The following CLCC1 variants were observed in gnomAD, a reference collection of about 807,000 sequenced individuals.
The protein encoded by CLCC1 is chloride channel CLIC-like protein 1.
In CLCC1, 39 loss-of-function variants were observed where a neutral mutation model predicts 63.3. The ratio of observed to expected loss-of-function variants is 0.62; its 90% CI spans 0.48 to 0.81. The LOEUF is 0.81. CLCC1 is among the 30% of genes least tolerant of loss of function. CLCC1 has a pLI of 0.00. For missense variants in CLCC1, 549 were observed against 669.4 expected, an observed-to-expected ratio of 0.82 and a Z score of 1.98; for synonymous variants, 217 against 239.8, an observed-to-expected ratio of 0.90 and a Z score of 0.88.
chr1:108,937,580 TTTAGA>T (rs1195448604), intron 10 of CLCC1, among the ~76,000 whole-genome samples, 162 bp from the exon 11 acceptor site: 1 of 152,254 alleles, frequency 6.6e-6, no homozygotes, highest in African/African-American at 2.4e-5. Flanking sequence ...TAGAGACCTC[TTTAGA>T]TTAATACAAG....
chr1:108,934,722 C>T lies in CLCC1; in HGVS notation c.1604G>A (p.Arg535Lys), dbSNP rs756107143. Residue 535 changes from arginine (R) to lysine (K), a missense_variant, in exon 12 of 13, where the codon AGA (arginine) becomes AAA (lysine). Coordinates refer to ENST00000369969, the MANE Select transcript of CLCC1 (RefSeq NM_001377458.1). The stretch of plus-strand genomic sequence containing the variant: ...CTGTCCACGTGGTCCAGCCACACCT[C>T]TTGCGGGGCTGTATGTGCTGCCTTG... Reference protein sequence around the residue: ...PDQGSTYSPARGVAGPRGQDP... With the variant: ...PDQGSTYSPAKGVAGPRGQDP... 2.3e-5 allele frequency: 37 copies of T among 1,614,012 alleles called. No homozygotes were observed. The South Asian group carries it at 4.0e-4, about 17-fold the overall frequency.
chr1:108,941,984 GC>G (rs1351240280), intron 7 of CLCC1, among the ~76,000 whole-genome samples: 2 of 152,212 alleles, frequency 1.3e-5, no homozygotes, highest in Non-Finnish European at 2.9e-5. Context: ...GAAAAGTACA[GC>G]CTTAATGCAA....
intron 11 of CLCC1, among the ~76,000 whole-genome samples, chr1:108,936,646 A>G (rs1653054693): frequency 6.6e-6 from 1 of 152,210 alleles, no homozygotes; most frequent in Non-Finnish European, 1.5e-5. Flanking sequence ...AGCCAATGAC[A>G]CTGAAGATTT....
At chr1:108,953,876 G>A (rs1451624067) in intron 2 of CLCC1, among the ~76,000 whole-genome samples, 1 of 151,316 alleles carries the variant, frequency 6.6e-6, no homozygotes. Flanking sequence ...TGGGTATGGT[G>A]GTGCATGCCT....
chr1:108,936,142 G>A (rs1652946951), intron 11 of CLCC1, among the ~76,000 whole-genome samples: 3 of 144,806 alleles, frequency 2.1e-5, no homozygotes, highest in Admixed American at 7.1e-5. Context: ...ACCCAGGCTG[G>A]AGTGCAATGG....
chr1:108,960,811 A>C (rs536689), intron 2 of CLCC1, among the ~76,000 whole-genome samples: 20,533 of 152,124 alleles, frequency 0.13, 2,039 homozygotes, highest in African/African-American at 0.28. Context: ...AGGAGGCATT[A>C]TACAAAGGGA....
In CLCC1 at chr1:108,943,996, A is replaced by G; in HGVS notation, c.401T>C (p.Leu134Ser). Residue 134 changes from leucine to serine, a missense_variant, in exon 6 of 13, where the codon TTG becomes TCG. Coordinates refer to ENST00000369969, the MANE Select transcript of CLCC1 (RefSeq NM_001377458.1). ...DAEIILKRET[L>S]LEIQKFLNGE... Reference sequence around the variant, plus strand: ...ATTGAGAAACTTCTGTATTTCTAACAAAGTTTCTCTTTTAAGGATAATCTC... The same window carrying G: ...ATTGAGAAACTTCTGTATTTCTAACGAAGTTTCTCTTTTAAGGATAATCTC... The G allele has an allele frequency of 6.2e-7, 1 of 1,613,570 alleles. No homozygotes were observed.
intron 4 of CLCC1, among the ~76,000 whole-genome samples, chr1:108,949,151 G>T (rs1654888574): frequency 1.3e-5 from 2 of 152,070 alleles, no homozygotes; most frequent in Admixed American, 6.6e-5. Flanking sequence ...CCTCATTTCA[G>T]ACCTTCAGCA....
rs770066092 is a variant in CLCC1, at chr1:108,937,420, T to C, written c.1042-2A>G. ...TTTTCCAGCACCATAGCAGAAACTCTGTAAGGAAAAGAAATACATTTTCCT... is the reference window on the plus strand; with the variant it reads ...TTTTCCAGCACCATAGCAGAAACTCCGTAAGGAAAAGAAATACATTTTCCT... On this transcript the variant is annotated splice_acceptor_variant, in intron 10 of 12. Coordinates refer to ENST00000369969, the MANE Select transcript of CLCC1 (RefSeq NM_001377458.1). LOFTEE classifies it high-confidence loss of function. The C allele has an allele frequency of 2.5e-6, 4 of 1,569,464 alleles. No homozygotes were observed. Among genetic ancestry groups the C allele is most frequent in the Admixed American group, 3.8e-5 (2 of 52,396 alleles).
intron 2 of CLCC1, among the ~76,000 whole-genome samples, chr1:108,954,268 A>C (rs1169144481): frequency 1.3e-5 from 2 of 151,038 alleles, no homozygotes; most frequent in African/African-American, 5.0e-5. Flanking sequence ...CAGGCAGATA[A>C]TGAGGTCAGG....
chr1:108,932,494 A>G lies in CLCC1; in HGVS notation c.*53T>C, dbSNP rs1026501921. The G allele has an allele frequency of 3.9e-5, 6 of 152,208 alleles. No homozygotes were observed. The highest frequency in any genetic ancestry group is 5.9e-5 in the Non-Finnish European group (4 of 68,030). The allele number at this position is 152,208 out of a possible 1,614,324, so 9.4% of individuals were successfully genotyped here. Reference sequence around the variant, plus strand: ...CTGTCAAAGTAGACTTCATCCCCAAATGGATATCTGTAATGAAAGAATACA... The same window carrying G: ...CTGTCAAAGTAGACTTCATCCCCAAGTGGATATCTGTAATGAAAGAATACA... On this transcript the variant is annotated 3_prime_UTR_variant, in exon 13 of 13. Transcript: ENST00000369969.
rs1171994046 is a variant in CLCC1 at position 108,929,621 on chromosome 1, T to A, written c.*2926A>T. 8 of 1,333,680 alleles carry A rather than the reference T, an allele frequency of 6.0e-6. No homozygotes were observed. In the African/African-American group the frequency reaches 1.2e-4, roughly 19 times the overall value. 82.6% of individuals were successfully genotyped at this position (1,333,680 alleles called of 1,614,324 possible). A position where few individuals can be genotyped will look rare whatever the true frequency, so the allele number is the denominator to read the frequency against. On this transcript the variant is annotated 3_prime_UTR_variant, in exon 13 of 13. Transcript: ENST00000369969. ...ATAAAAGTTTACAACTGCGTTTTCT[T>A]GTTGTGACTGAGAGATTTAACATAG...
Position 108,943,546 on chromosome 1 carries a change from T to C in CLCC1, c.631A>G (p.Thr211Ala), listed in dbSNP as rs942667094. ...TELWTYVRWY[T>A]QLRRVLIISF... ...ATGATTAAAACACGTCTCAACTGAG[T>C]GTACCAACGTACATATGTCCACAGC... The change falls in exon 7 of 13, where the codon ACT (threonine) becomes GCT (alanine). Residue 211 changes from threonine (T) to alanine (A), a missense_variant. Physicochemically the swap from Thr to Ala is moderately conservative, Grantham distance 58 (BLOSUM62 0). Transcript: ENST00000369969. 2 of 1,614,016 alleles carry C rather than the reference T, an allele frequency of 1.2e-6. No individual in the cohort carries two copies. Among genetic ancestry groups the C allele is most frequent in the East Asian group, 4.5e-5 (2 of 44,880 alleles).
Position 108,937,071 on chromosome 1 carries a change from A to G in CLCC1, c.1383+6T>C. The stretch of plus-strand genomic sequence containing the variant: ...GGACAGCAGAATAAAAGAGTTGCTG[A>G]CTTACACTGGGTACCACCGTGGGAT... On this transcript the variant is annotated splice_donor_region_variant and intron_variant, in intron 11 of 12. Coordinates refer to ENST00000369969, the MANE Select transcript of CLCC1 (RefSeq NM_001377458.1). 1 of 1,484,928 alleles carries G rather than the reference A, an allele frequency of 6.7e-7. No homozygotes were observed. Among genetic ancestry groups the G allele is most frequent in the Non-Finnish European group, 9.0e-7 (1 of 1,117,124 alleles). The allele number at this position is 1,484,928 out of a possible 1,614,324, so 92.0% of individuals were successfully genotyped here. A position where few individuals can be genotyped will look rare whatever the true frequency, so the allele number is the denominator to read the frequency against.
intron 12 of CLCC1, chr1:108,933,612 A>G (rs1055671394): frequency 2.0e-5 from 3 of 152,250 alleles, no homozygotes; most frequent in African/African-American, 4.8e-5. Flanking sequence ...GTTGAACATA[A>G]CTTGTAGTGT....
intron 2 of CLCC1, among the ~76,000 whole-genome samples, chr1:108,961,401 G>A (rs565873685): frequency 1.3e-5 from 2 of 151,808 alleles, no homozygotes; most frequent in East Asian, 1.9e-4. Flanking sequence ...AGTGTTAATC[G>A]AAAGTAACCA....
intron 2 of CLCC1, among the ~76,000 whole-genome samples, chr1:108,955,501 C>T (rs1655771567): frequency 6.6e-6 from 1 of 151,444 alleles, no homozygotes; most frequent in African/African-American, 2.5e-5. Flanking sequence ...CTAGGCCTAG[C>T]CTTCAAGAGG....
At chr1:108,944,279 G>T (rs1343403889) in intron 5 of CLCC1, among the ~76,000 whole-genome samples, 1 of 152,132 alleles carries the variant, frequency 6.6e-6, no homozygotes, top group African/African-American at 2.4e-5. Context: ...AGACCAGCCT[G>T]GGCAACAAAG....
rs1651656565 is a variant in CLCC1 at position 108,930,027 on chromosome 1, G to GT, written c.*2519dup. Reference sequence around the variant, plus strand: ...CCTTAAAAGGAGAATTTATAGCACTGTAATACAGCTTAAAATATTTTTAGA... The same window carrying GT: ...CCTTAAAAGGAGAATTTATAGCACTGTTAATACAGCTTAAAATATTTTTAGA... On this transcript the variant is annotated 3_prime_UTR_variant, in exon 13 of 13. Coordinates refer to ENST00000369969, the MANE Select transcript of CLCC1 (RefSeq NM_001377458.1). The GT allele has an allele frequency of 5.3e-6, 6 of 1,127,036 alleles. No homozygotes were observed. Among genetic ancestry groups the GT allele is most frequent in the Non-Finnish European group, 7.8e-6 (6 of 764,630 alleles). 69.8% of individuals were successfully genotyped at this position (1,127,036 alleles called of 1,614,324 possible).
Sources: gnomAD v4.1 joint callset for allele counts (sites outside exome capture counted in the v4.1 genomes callset) on GRCh38, gnomAD v4.1.1 for gene constraint, MANE v1.5 for transcripts, NCBI Gene and HGNC (gene_info 2026-07-23, HGNC 2026-07-21) for gene names.